The following HELZ variants were observed in gnomAD, a reference collection of about 807,000 sequenced individuals.
The protein encoded by HELZ is ATP-dependent RNA helicase with zinc finger domain.
A neutral mutation model predicts 218.2 loss-of-function variants in HELZ; 23 were observed. The observed-to-expected ratio is 0.11, with a 90% CI of 0.08 to 0.15. The LOEUF (loss-of-function observed/expected upper bound fraction) is 0.15, where lower values mean the gene tolerates loss of function less well. Among genes scored for constraint, HELZ ranks in the 10% least tolerant of loss-of-function variants. The pLI, the probability that HELZ is intolerant of heterozygous loss-of-function variation, is 1.00. For synonymous variants in HELZ, 814 were observed against 829.4 expected (o/e 0.98, Z 0.32); for missense variants, 1,813 against 2,353.7 (o/e 0.77, Z 4.75).
intron 7 of HELZ, among the ~76,000 whole-genome samples, chr17:67,197,912 A>G (rs769379559): frequency 1.3e-5 from 2 of 152,176 alleles, no homozygotes; most frequent in Non-Finnish European, 2.9e-5. Context: ...GAATATAAGA[A>G]TACACAGATT....
intron 32 of HELZ, among the ~76,000 whole-genome samples, chr17:67,085,799 T>TA (rs1190848312): frequency 6.6e-6 from 1 of 152,196 alleles, no homozygotes; most frequent in African/African-American, 2.4e-5. Flanking sequence ...GCAGTATAAT[T>TA]AGTTTCTTTA....
At chr17:67,089,845 A>T (rs1239789683) in intron 31 of HELZ, among the ~76,000 whole-genome samples, 1 of 151,164 alleles carries the variant, frequency 6.6e-6, no homozygotes, top group Non-Finnish European at 1.5e-5. Context: ...TTCTATACTG[A>T]CAACCATGTC....
At chr17:67,102,869 A>C (rs2036973020) in intron 31 of HELZ, among the ~76,000 whole-genome samples, 1 of 152,226 alleles carries the variant, frequency 6.6e-6, no homozygotes. Flanking sequence ...CCCACTGACA[A>C]TGAAAGGTAC....
chr17:67,093,841 CA>C (rs564826322), intron 31 of HELZ, among the ~76,000 whole-genome samples: 35 of 152,130 alleles, frequency 2.3e-4, no homozygotes, highest in Non-Finnish European at 4.6e-4. Context: ...TATTTTCATA[CA>C]ATTTCTAAAG....
chr17:67,086,907 T>C lies in HELZ; in HGVS notation c.5416A>G (p.Asn1806Asp). The change falls in exon 32 of 33, where the codon AAC (asparagine) becomes GAC (aspartate). Residue 1806 changes from asparagine to aspartate, a missense_variant. Physicochemically the swap from Asn to Asp is conservative, Grantham distance 23. Transcript: ENST00000358691. ...FNFSSPESWV[N>D]TTSSTPYQNI... ...TGATAAGGAGTAGATGAGGTGGTGT[T>C]TACCCAGGACTCCGGGGATGAAAAG... 6.2e-7 allele frequency: 1 copy of C among 1,613,246 alleles called. No homozygotes were observed. The highest frequency in any genetic ancestry group is 8.5e-7 in the Non-Finnish European group (1 of 1,179,810).
At chr17:67,148,781 TA>T (rs1239253820) in intron 19 of HELZ, 67 bp from the exon 20 acceptor site, 8 of 1,447,736 alleles carry the variant, frequency 5.5e-6, no homozygotes, top group Non-Finnish European at 7.5e-6. Context: ...AACCTACTTA[TA>T]AAAAATCCAC....
chr17:67,239,315 T>A (rs1166019973), intron 3 of HELZ, 118 bp downstream of exon 3: 4 of 152,240 alleles, frequency 2.6e-5, no homozygotes, highest in Non-Finnish European at 5.9e-5. Context: ...TTAGGATCTG[T>A]GCCTTCAGGT....
In HELZ at chr17:67,109,440, C is replaced by T; in HGVS notation, c.4165G>A (p.Glu1389Lys). ...TGAGGTGGTATCTGATTTGGTTGTT[C>T]AGGCAAATTATTCTGCTGCTGATTT... ...LLNQQQNNLP[E>K]QPNQIPPQPN... The change falls in exon 29 of 33, where the codon GAA (glutamate) becomes AAA (lysine). Residue 1389 changes from glutamate to lysine, a missense_variant. Glu to Lys is a moderately conservative substitution (Grantham distance 56). Transcript: ENST00000358691. 1 of 1,614,068 alleles carries T rather than the reference C, an allele frequency of 6.2e-7. No individual in the cohort carries two copies. The highest frequency in any genetic ancestry group is 8.5e-7 in the Non-Finnish European group (1 of 1,180,026).
chr17:67,245,635 G>T, upstream of HELZ: 1 of 631,364 alleles, frequency 1.6e-6, no homozygotes, highest in Non-Finnish European at 2.0e-6. Context: ...GAGCGGCCGG[G>T]GTCGCCTTCA....
intron 10 of HELZ, 103 bp from the exon 11 acceptor site, chr17:67,189,799 C>T: frequency 1.3e-6 from 1 of 762,964 alleles, no homozygotes; most frequent in South Asian, 1.6e-5. Flanking sequence ...GATGATGGAA[C>T]TGTTTACAGA....
intron 7 of HELZ, 107 bp downstream of exon 7, chr17:67,201,022 C>T (rs780235209): frequency 2.3e-6 from 2 of 856,316 alleles, no homozygotes; most frequent in Non-Finnish European, 4.0e-6. Context: ...CCTTCACAGC[C>T]TCGCCTTCTG....
At position 67,167,565 on chromosome 17, in the gene HELZ, A is replaced by C; in HGVS notation, c.1662T>G (p.Val554=). 6.2e-7 allele frequency: 1 copy of C among 1,613,784 alleles called. No individual in the cohort carries two copies. The highest frequency in any genetic ancestry group is 8.5e-7 in the Non-Finnish European group (1 of 1,179,684). Reference sequence around the variant, plus strand: ...TTTTTTCTTCAATAGTAGCTTCATAAACCTTCTCTTTGGTTCCCTGGGTCT... The same window carrying C: ...TTTTTTCTTCAATAGTAGCTTCATACACCTTCTCTTTGGTTCCCTGGGTCT... ...LVQTQGTKEK[V]YEATIEEKTK... The change falls in exon 14 of 33, where the codon GTT becomes GTG. Residue 554 remains valine, a synonymous_variant. Transcript: ENST00000358691.
At chr17:67,159,604 A>C (rs1189304429) in intron 17 of HELZ, among the ~76,000 whole-genome samples, 1 of 152,194 alleles carries the variant, frequency 6.6e-6, no homozygotes, top group East Asian at 1.9e-4. Context: ...TATAATAAAT[A>C]ACAATTTGAT....
Position 67,107,659 on chromosome 17 carries a change from G to C in HELZ, c.4751C>G (p.Ser1584Cys). The C allele has an allele frequency of 6.2e-7, 1 of 1,613,630 alleles. No homozygotes were observed. Reference sequence around the variant, plus strand: ...CCGTGTTTCACTTTGATCACGATGAGACAGTTCTCTGATTAAGTCTTGAAA... The same window carrying C: ...CCGTGTTTCACTTTGATCACGATGACACAGTTCTCTGATTAAGTCTTGAAA... The part of the protein sequence containing the change: ...SRFQDLIREL[S>C]HRDQSETREL... Residue 1584 changes from serine to cysteine, a missense_variant, in exon 31 of 33, where the codon TCT becomes TGT. Physicochemically the swap from Ser to Cys is moderately radical, Grantham distance 112. Coordinates refer to ENST00000358691, the MANE Select transcript of HELZ (RefSeq NM_014877.4).
chr17:67,215,253 G>A (rs1233546821), intron 5 of HELZ, among the ~76,000 whole-genome samples: 7 of 152,164 alleles, frequency 4.6e-5, no homozygotes, highest in African/African-American at 1.7e-4. Context: ...AGGAGGGACA[G>A]GCCCATCCTT....
intron 20 of HELZ, among the ~76,000 whole-genome samples, chr17:67,146,129 AATG>A (rs2038489554): frequency 6.6e-6 from 1 of 152,178 alleles, no homozygotes; most frequent in South Asian, 2.1e-4. Context: ...AACAGGAAGA[AATG>A]ATGACAGTTC....
At chr17:67,147,132 T>C (rs2038522157) in intron 20 of HELZ, among the ~76,000 whole-genome samples, 1 of 152,204 alleles carries the variant, frequency 6.6e-6, no homozygotes, top group South Asian at 2.1e-4. Flanking sequence ...TCATGCTGTT[T>C]GTCAATATAT....
At chr17:67,112,430 C>T (rs1243293948) in intron 28 of HELZ, among the ~76,000 whole-genome samples, 1 of 152,174 alleles carries the variant, frequency 6.6e-6, no homozygotes, top group Non-Finnish European at 1.5e-5. Flanking sequence ...GCAGGTGCAC[C>T]ATCCTGACAT....
At chr17:67,176,375 A>T (rs1053573199) in intron 13 of HELZ, 1 of 152,240 alleles carries the variant, frequency 6.6e-6, no homozygotes, top group Non-Finnish European at 1.5e-5. Context: ...ATTCAATCAT[A>T]TAGCTATATC....
Sources: allele counts gnomAD v4.1 joint callset (sites outside exome capture counted in the v4.1 genomes callset), GRCh38; gene constraint gnomAD v4.1.1; transcripts MANE v1.5; gene names NCBI Gene and HGNC (gene_info 2026-07-23, HGNC 2026-07-21).